PAQR5: variants seen among roughly 807,000 people sequenced by gnomAD.
PAQR5 encodes progestin and adipoQ receptor family member 5.
Under a neutral mutation model 34.5 loss-of-function variants are expected in PAQR5, and 20 were observed. That is an observed-to-expected ratio of 0.58 (90% confidence interval 0.41 to 0.84). PAQR5 has a LOEUF of 0.84. Among genes scored for constraint, PAQR5 ranks in the 40% least tolerant of loss-of-function variants. PAQR5 has a pLI of 0.00. For synonymous variants in PAQR5, 131 were observed against 155.6 expected (o/e 0.84, Z 1.18); for missense variants, 378 against 412.7 (o/e 0.92, Z 0.73).
intron 6 of PAQR5, chr15:69,397,246 A>G: frequency 1.5e-6 from 1 of 680,844 alleles, no homozygotes; most frequent in Non-Finnish European, 2.7e-6. Context: ...CATGGTCAGG[A>G]GATGGTGTCC....
chr15:69,303,671 GGGAGAA>G (rs1237882837), intron 1 of PAQR5, among the ~76,000 whole-genome samples: 1 of 152,188 alleles, frequency 6.6e-6, no homozygotes, highest in Non-Finnish European at 1.5e-5. Flanking sequence ...AGGCAGCCGT[GGGAGAA>G]GGAGTGGCAT....
chr15:69,334,625 G>A (rs80279145), intron 1 of PAQR5, among the ~76,000 whole-genome samples: 8 of 152,008 alleles, frequency 5.3e-5, no homozygotes, highest in Non-Finnish European at 8.8e-5. Context: ...TTACTTACCA[G>A]GTTTTTCACT....
chr15:69,317,600 A>T (rs868635117), intron 1 of PAQR5, among the ~76,000 whole-genome samples: 1 of 152,122 alleles, frequency 6.6e-6, no homozygotes, highest in African/African-American at 2.4e-5. Context: ...ACAGCTTTAT[A>T]GATTTACAAT....
intron 1 of PAQR5, among the ~76,000 whole-genome samples, chr15:69,317,044 T>C (rs11630922): frequency 0.48 from 72,285 of 152,074 alleles, 20,503 homozygotes; most frequent in Middle Eastern, 0.64. Flanking sequence ...GGTCTGGAAC[T>C]CTTGACCTCA....
intron 2 of PAQR5, among the ~76,000 whole-genome samples, chr15:69,356,107 C>T (rs1366099847): frequency 6.6e-6 from 1 of 152,140 alleles, no homozygotes; most frequent in Non-Finnish European, 1.5e-5. Context: ...GAGACTGTGT[C>T]TTTCTTTTTC....
chr15:69,391,902 C>T (rs559066861), intron 6 of PAQR5: 12 of 381,898 alleles, frequency 3.1e-5, no homozygotes, highest in South Asian at 5.8e-5. Flanking sequence ...ACTAAAAATA[C>T]GAAAGTTAGC....
Position 69,385,015 on chromosome 15 carries a change from C to CAGGT in PAQR5, c.385+134_385+137dup. On this transcript the variant is annotated intron_variant, in intron 5 of 8. Coordinates refer to ENST00000395407, the MANE Select transcript of PAQR5 (RefSeq NM_017705.4). This position sits in a 1 kb window ranked among gnomAD's most constrained non-coding sequence, Gnocchi z 4.7. The stretch of plus-strand genomic sequence containing the variant: ...CAGGGATTATGCCAGTGCCCCTGTC[C>CAGGT]AGGTTCCCAATGGGTGTTTTATAAG... 1.5e-6 allele frequency: 1 copy of CAGGT among 656,992 alleles called. No homozygotes were observed. Among genetic ancestry groups the CAGGT allele is most frequent in the Non-Finnish European group, 2.7e-6 (1 of 374,816 alleles). The allele number at this position is 656,992 out of a possible 1,614,324, so 40.7% of individuals were successfully genotyped here. A position where few individuals can be genotyped will look rare whatever the true frequency, so the allele number is the denominator to read the frequency against.
At chr15:69,386,883 A>G (rs2056126546) in intron 5 of PAQR5, among the ~76,000 whole-genome samples, 1 of 152,044 alleles carries the variant, frequency 6.6e-6, no homozygotes, top group Non-Finnish European at 1.5e-5. Flanking sequence ...AGCCCTCTGT[A>G]TGTCCAACCT....
intron 6 of PAQR5, chr15:69,397,179 T>A (rs1417010206): frequency 3.9e-6 from 2 of 514,712 alleles, no homozygotes; most frequent in Non-Finnish European, 7.6e-6. Context: ...AACTTGGCCC[T>A]TGAAGGGTTT....
chr15:69,360,082 T>TGCTGAGCCTGAA lies in PAQR5; in HGVS notation c.6_17dup (p.Ser3_Leu6dup). 7 of 1,613,706 alleles carry TGCTGAGCCTGAA rather than the reference T, an allele frequency of 4.3e-6. No individual in the cohort carries two copies. Among genetic ancestry groups the TGCTGAGCCTGAA allele is most frequent in the African/African-American group, 1.3e-5 (1 of 75,042 alleles). On this transcript the variant is annotated inframe_insertion, in exon 3 of 9. Transcript: ENST00000395407. ...TGGCCTTGCCAATCCAGCTCCAAGATGCTGAGCCTGAAGCTCCCCAGGCTG... is the reference window on the plus strand; with the variant it reads ...TGGCCTTGCCAATCCAGCTCCAAGATGCTGAGCCTGAAGCTGAGCCTGAAGCTCCCCAGGCTG...
chr15:69,365,201 G>A (rs1264428448), intron 3 of PAQR5, among the ~76,000 whole-genome samples: 1 of 151,740 alleles, frequency 6.6e-6, no homozygotes, highest in African/African-American at 2.4e-5. Context: ...CTGCCTCCCA[G>A]GTTCAAGCGA....
chr15:69,324,596 A>C (rs759475911), intron 1 of PAQR5, among the ~76,000 whole-genome samples: 11 of 152,204 alleles, frequency 7.2e-5, no homozygotes, highest in Non-Finnish European at 1.5e-4. Flanking sequence ...TGGAGTGGCC[A>C]GCCTCTGTCT....
At chr15:69,321,463 T>A (rs2054094561) in intron 1 of PAQR5, among the ~76,000 whole-genome samples, 1 of 152,164 alleles carries the variant, frequency 6.6e-6, no homozygotes, top group Non-Finnish European at 1.5e-5. Context: ...TCAGTATACA[T>A]CTCCAAAGGA....
At position 69,404,828 on chromosome 15, in the gene PAQR5, C is replaced by A. The variant is rs1280059656; in HGVS notation, c.*1006C>A. The A allele has an allele frequency of 5.0e-6, 2 of 396,878 alleles. No homozygotes were observed. Among genetic ancestry groups the A allele is most frequent in the Non-Finnish European group, 4.4e-6 (1 of 225,488 alleles). 24.6% of individuals were successfully genotyped at this position (396,878 alleles called of 1,614,324 possible). A position where few individuals can be genotyped will look rare whatever the true frequency, so the allele number is the denominator to read the frequency against. On this transcript the variant is annotated 3_prime_UTR_variant, in exon 9 of 9. Coordinates refer to ENST00000395407, the MANE Select transcript of PAQR5 (RefSeq NM_017705.4). The stretch of plus-strand genomic sequence containing the variant: ...ACATCCAGTAAGCTTGTGACAAATG[C>A]AGACTCCTAGGGAAAACCAGGGGGT...
rs747371197 is a variant in PAQR5 at position 69,403,597 on chromosome 15, G to GTTTCACGT, written c.769_776dup (p.Cys260PhefsTer5). Reference sequence around the variant, plus strand: ...TTGCCATAGGTCACAGTCACCAGCTGTTTCACGTGTGTGTGATCCTGGCCA... The same window carrying GTTTCACGT: ...TTGCCATAGGTCACAGTCACCAGCTGTTTCACGTTTTCACGTGTGTGTGATCCTGGCCA... On this transcript the variant is annotated frameshift_variant, in exon 9 of 9. Transcript: ENST00000395407. LOFTEE classifies it high-confidence loss of function. 3.1e-6 allele frequency: 5 copies of GTTTCACGT among 1,614,156 alleles called. No individual in the cohort carries two copies. The highest frequency in any genetic ancestry group is 4.2e-6 in the Non-Finnish European group (5 of 1,180,032).
intron 1 of PAQR5, chr15:69,314,875 G>A (rs1414398469): frequency 2.6e-5 from 4 of 153,704 alleles, no homozygotes; most frequent in South Asian, 2.1e-4. Flanking sequence ...CGGGTCTCTA[G>A]GGGGTTAGAC....
intron 6 of PAQR5, among the ~76,000 whole-genome samples, chr15:69,390,367 T>TTTTA (rs60267549): frequency 4.7e-5 from 7 of 149,550 alleles, no homozygotes; most frequent in Admixed American, 1.3e-4. Flanking sequence ...TTTATTTTTT[T>TTTTA]GAGACAGGGT....
chr15:69,310,281 G>C (rs190729604), intron 1 of PAQR5, among the ~76,000 whole-genome samples: 1 of 152,258 alleles, frequency 6.6e-6, no homozygotes. Context: ...GGAATTGGTG[G>C]TTCATGGGTA....
intron 6 of PAQR5, among the ~76,000 whole-genome samples, chr15:69,390,465 A>G (rs2056237764): frequency 6.6e-6 from 1 of 151,700 alleles, no homozygotes; most frequent in Non-Finnish European, 1.5e-5. Flanking sequence ...TGCATTCTTA[A>G]TAATTTGTAA....
Sources: allele counts gnomAD v4.1 joint callset (sites outside exome capture counted in the v4.1 genomes callset), GRCh38; gene constraint gnomAD v4.1.1; non-coding constraint Gnocchi (gnomAD v3.1); transcripts MANE v1.5; gene names NCBI Gene and HGNC (gene_info 2026-07-23, HGNC 2026-07-21).